The following RTL4 variants were observed in gnomAD, a reference collection of about 807,000 sequenced individuals.
RTL4 encodes retrotransposon Gag-like protein 4.
A neutral mutation model predicts 5.3 loss-of-function variants in RTL4; 4 were observed. The observed-to-expected ratio is 0.75, with a 90% CI of 0.37 to 1.72. The LOEUF (loss-of-function observed/expected upper bound fraction) is 1.72. Ranked by LOEUF, RTL4 falls within the 40% of genes most tolerant of loss-of-function variation. The pLI is 0.04. For synonymous variants in RTL4, 98 were observed against 87.3 expected (o/e 1.12, Z -0.68); for missense variants, 260 against 227.1 (o/e 1.14, Z -0.93).
the RTL4 span, among the ~76,000 whole-genome samples, chrX:112,446,950 G>A: frequency 2.7e-5 from 3 of 112,150 alleles, no homozygotes; most frequent in South Asian, 3.7e-4. Context: ...TGGACAGATC[G>A]TATAAATTCG....
chrX:112,104,449 T>TG, the RTL4 span, among the ~76,000 whole-genome samples: 2 of 98,179 alleles, frequency 2.0e-5, no homozygotes, highest in African/African-American at 8.0e-5. Context: ...GGTAATTTTA[T>TG]TTTTTTTTGT....
At chrX:112,237,205 A>T in the RTL4 span, among the ~76,000 whole-genome samples, 1 of 112,104 alleles carries the variant, frequency 8.9e-6, no homozygotes. Flanking sequence ...TTGGCTGCCA[A>T]GATCATTTTA....
At chrX:112,368,793 A>G in the RTL4 span, among the ~76,000 whole-genome samples, 2 of 112,061 alleles carry the variant, frequency 1.8e-5, no homozygotes, top group Non-Finnish European at 3.8e-5. Flanking sequence ...TTATATTTTG[A>G]CACTTTAGGG....
the RTL4 span, chrX:112,381,977 A>AAG: frequency 8.3e-7 from 1 of 1,207,517 alleles, no homozygotes; most frequent in Admixed American, 2.2e-5. Context: ...CTCTGGCATC[A>AAG]AGAGAGAGAA....
At chrX:112,241,780 T>C in the RTL4 span, among the ~76,000 whole-genome samples, 1 of 112,005 alleles carries the variant, frequency 8.9e-6, no homozygotes, top group Non-Finnish European at 1.9e-5. Context: ...CATGCCTATG[T>C]CCTGAATGGT....
the RTL4 span, among the ~76,000 whole-genome samples, chrX:112,096,920 A>G: frequency 8.9e-6 from 1 of 112,548 alleles, no homozygotes; most frequent in Non-Finnish European, 1.9e-5. Context: ...GTTCCCTAAC[A>G]GATACCACCA....
the RTL4 span, among the ~76,000 whole-genome samples, chrX:112,206,846 G>T: frequency 9.0e-6 from 1 of 111,471 alleles, no homozygotes; most frequent in African/African-American, 3.3e-5. Flanking sequence ...ATTGGCCTTG[G>T]TCAAATGTAT....
the RTL4 span, among the ~76,000 whole-genome samples, chrX:112,216,264 G>A: frequency 1.7e-4 from 19 of 111,652 alleles, no homozygotes; most frequent in African/African-American, 5.9e-4. Context: ...GAAGTTTGAA[G>A]TAGAACTCTT....
At chrX:112,419,031 G>GATATATAT in the RTL4 span, among the ~76,000 whole-genome samples, 26 of 89,662 alleles carry the variant, frequency 2.9e-4, 1 homozygote, top group African/African-American at 9.8e-4. Flanking sequence ...TTTCACATAA[G>GATATATAT]ATATATATAT....
At chrX:112,290,295 T>C in the RTL4 span, among the ~76,000 whole-genome samples, 7 of 112,073 alleles carry the variant, frequency 6.2e-5, no homozygotes, top group Admixed American at 3.8e-4. Context: ...TTTCTTCGTC[T>C]TCAGAGAAGG....
the RTL4 span, among the ~76,000 whole-genome samples, chrX:112,300,575 TA>T: frequency 8.9e-6 from 1 of 112,506 alleles, no homozygotes; most frequent in Non-Finnish European, 1.9e-5. Context: ...GGATGTTCAC[TA>T]AACTGTTAGT....
the RTL4 span, among the ~76,000 whole-genome samples, chrX:112,277,383 T>C: frequency 9.0e-6 from 1 of 111,698 alleles, no homozygotes; most frequent in Non-Finnish European, 1.9e-5. Flanking sequence ...GAAATGCCTC[T>C]GAACTACAAT....
the RTL4 span, among the ~76,000 whole-genome samples, chrX:112,180,825 G>A: frequency 5.3e-5 from 6 of 112,346 alleles, no homozygotes; most frequent in Non-Finnish European, 1.1e-4. Flanking sequence ...TATAAACTTA[G>A]CCATGCTACA....
the RTL4 span, among the ~76,000 whole-genome samples, chrX:112,371,372 A>T: frequency 9.0e-6 from 1 of 111,310 alleles, no homozygotes; most frequent in South Asian, 3.7e-4. Context: ...CTATCCTCTC[A>T]TTACTGTTAC....
At chrX:112,354,850 A>T in the RTL4 span, among the ~76,000 whole-genome samples, 9 of 111,385 alleles carry the variant, frequency 8.1e-5, no homozygotes, top group Admixed American at 2.9e-4. Flanking sequence ...GGAGATGTCC[A>T]GTTTTCAAGG....
At chrX:112,353,448 G>A in the RTL4 span, among the ~76,000 whole-genome samples, 1 of 111,212 alleles carries the variant, frequency 9.0e-6, no homozygotes, top group African/African-American at 3.3e-5. Flanking sequence ...ATCCAACAAC[G>A]ATAGACTGGA....
the RTL4 span, among the ~76,000 whole-genome samples, chrX:112,337,008 C>A: frequency 8.9e-6 from 1 of 111,818 alleles, no homozygotes; most frequent in African/African-American, 3.2e-5. Context: ...TATTTTTCCA[C>A]AATTTAAAAA....
At chrX:112,136,758 G>A in the RTL4 span, among the ~76,000 whole-genome samples, 1,131 of 111,675 alleles carry the variant, frequency 0.01, 16 homozygotes, top group African/African-American at 0.035. Context: ...AACAAAGCTA[G>A]AGGCACCATA....
At chrX:112,257,012 G>A in the RTL4 span, among the ~76,000 whole-genome samples, 4 of 110,698 alleles carry the variant, frequency 3.6e-5, no homozygotes, top group African/African-American at 1.3e-4. Context: ...TAATTGTGTT[G>A]GTCAGATTTT....
Sources: gnomAD v4.1 joint callset for allele counts (sites outside exome capture counted in the v4.1 genomes callset) on GRCh38, gnomAD v4.1.1 for gene constraint, MANE v1.5 for transcripts, NCBI Gene and HGNC (gene_info 2026-07-23, HGNC 2026-07-21) for gene names.